The following TBX20 variants were observed in gnomAD, a reference collection of about 807,000 sequenced individuals.
TBX20 encodes the protein T-box transcription factor TBX20.
A neutral mutation model predicts 42.9 loss-of-function variants in TBX20; 8 were observed. The ratio of observed to expected loss-of-function variants is 0.19; its 90% CI spans 0.11 to 0.34. The LOEUF (loss-of-function observed/expected upper bound fraction) is 0.34, where lower values mean the gene tolerates loss of function less well. TBX20 is among the 10% of genes least tolerant of loss of function. The pLI is 1.00. For missense variants in TBX20, 411 were observed against 566.0 expected (o/e 0.73, Z 2.78); for synonymous variants, 198 against 222.8 (o/e 0.89, Z 0.99).
Position 35,248,670 on chromosome 7 carries a change from C to T in TBX20, c.545+7G>A. ...GTTTTCTCAGTGAAAAATCTGGAGG[C>T]ACGAACCTGGCTGGCAACGGCGGGT... On this transcript the variant is annotated splice_region_variant and intron_variant, in intron 3 of 7. Coordinates refer to ENST00000408931, the MANE Select transcript of TBX20 (RefSeq NM_001077653.2). 6.2e-7 allele frequency: 1 copy of T among 1,614,132 alleles called. No individual in the cohort carries two copies. Among genetic ancestry groups the T allele is most frequent in the Non-Finnish European group, 8.5e-7 (1 of 1,180,024 alleles).
In TBX20 at chr7:35,241,003, C is replaced by T. The variant is rs2128714670; in HGVS notation, c.689G>A (p.Arg230Lys). The T allele has an allele frequency of 6.2e-7, 1 of 1,613,788 alleles. No individual in the cohort carries two copies. The highest frequency in any genetic ancestry group is 8.5e-7 in the Non-Finnish European group (1 of 1,179,774). Residue 230 changes from arginine to lysine, a missense_variant, in exon 5 of 8, where the codon AGG becomes AAG. By Grantham distance (26) the Arg-to-Lys change is conservative. Around this residue, in one of 5 missense-constraint regions of TBX20, gnomAD observed 121 missense variants for 165.9 expected, o/e 0.73. Coordinates refer to ENST00000408931, the MANE Select transcript of TBX20 (RefSeq NM_001077653.2). ...ILNSMHKYQP[R>K]VHIIKKKDHT... ...GTCTTTCTTCTTAATGATGTGCACCCTTGGCTGGTACTTATGCATTGAGTT... is the reference window on the plus strand; with the variant it reads ...GTCTTTCTTCTTAATGATGTGCACCTTTGGCTGGTACTTATGCATTGAGTT...
chr7:35,212,694 A>C (rs1789518599), intron 6 of TBX20, among the ~76,000 whole-genome samples: 1 of 152,120 alleles, frequency 6.6e-6, no homozygotes, highest in South Asian at 2.1e-4. Flanking sequence ...TAGTCTACCA[A>C]ATGCCTTCTA....
intron 6 of TBX20, among the ~76,000 whole-genome samples, chr7:35,210,601 G>A (rs774664133): frequency 1.1e-4 from 16 of 152,058 alleles, no homozygotes; most frequent in Non-Finnish European, 1.9e-4. Context: ...ACATAAAGAT[G>A]TAGGACTGTA....
At chr7:35,223,088 G>A (rs1458776507) in intron 6 of TBX20, among the ~76,000 whole-genome samples, 1 of 147,238 alleles carries the variant, frequency 6.8e-6, no homozygotes, top group Admixed American at 6.9e-5. Context: ...GACTCCTCTG[G>A]ACTAGAAGGA....
At chr7:35,223,932 C>A (rs1400529790) in intron 6 of TBX20, among the ~76,000 whole-genome samples, 1 of 152,058 alleles carries the variant, frequency 6.6e-6, no homozygotes, top group Non-Finnish European at 1.5e-5. Context: ...GAGAATATTG[C>A]TGTAGTCCTA....
rs2907411 is a variant in TBX20, at chr7:35,213,862, G to A, written c.891-9280C>T. Among the ~76,000 whole-genome samples, 3 of 101,064 alleles carry A rather than the reference G, an allele frequency of 3.0e-5. 1 individual carries two copies. The highest frequency in any genetic ancestry group is 3.0e-4 in the East Asian group (1 of 3,344). 66.3% of individuals were successfully genotyped at this position (101,064 alleles called of 152,430 possible). On this transcript the variant is annotated intron_variant, in intron 6 of 7. Coordinates refer to ENST00000408931, the MANE Select transcript of TBX20 (RefSeq NM_001077653.2). ...GTATTGAGTCACTACTATGAACAAGGAATTGCAGAGATAGCAAAAAAAAAA... is the reference window on the plus strand; with the variant it reads ...GTATTGAGTCACTACTATGAACAAGAAATTGCAGAGATAGCAAAAAAAAAA...
rs1324827144 is a variant in TBX20, at chr7:35,253,533, T to C, written c.88A>G (p.Lys30Glu). 4 of 1,612,574 alleles carry C rather than the reference T, an allele frequency of 2.5e-6. No homozygotes were observed. Among genetic ancestry groups the C allele is most frequent in the Non-Finnish European group, 3.4e-6 (4 of 1,179,874 alleles). Residue 30 changes from lysine to glutamate, a missense_variant, in exon 1 of 8, where the codon AAG (lysine) becomes GAG (glutamate). Lys to Glu is a moderately conservative substitution (Grantham distance 56). This residue lies in a region of TBX20 where 114 missense variants were observed against 128.0 expected (regional missense o/e 0.89). Coordinates refer to ENST00000408931, the MANE Select transcript of TBX20 (RefSeq NM_001077653.2). ...GTGTTCTCCGTCGCCTCCTTCTCCT[T>C]AGAGCCGCCGCTCGACATGAGCGCG... ...IAALMSSGGSKEKEATENTIK... is the reference protein window; with the variant it reads ...IAALMSSGGSEEKEATENTIK...
At chr7:35,226,923 G>A (rs1465571285) in intron 6 of TBX20, among the ~76,000 whole-genome samples, 1 of 151,990 alleles carries the variant, frequency 6.6e-6, no homozygotes, top group African/African-American at 2.4e-5. Context: ...TATTCCAGAA[G>A]AAGGCATTAT....
chr7:35,222,590 G>A (rs1434433325), intron 6 of TBX20, among the ~76,000 whole-genome samples: 2 of 152,194 alleles, frequency 1.3e-5, no homozygotes, highest in African/African-American at 2.4e-5. Context: ...CTCACTGTGT[G>A]CCAGACACTA....
At chr7:35,246,669 A>C (rs1423986999) in intron 3 of TBX20, among the ~76,000 whole-genome samples, 1 of 152,182 alleles carries the variant, frequency 6.6e-6, no homozygotes, top group Non-Finnish European at 1.5e-5. Context: ...ATGACTGACC[A>C]ATGAACTTCA....
intron 6 of TBX20, among the ~76,000 whole-genome samples, chr7:35,206,171 T>C (rs1789395361): frequency 6.6e-6 from 1 of 152,252 alleles, no homozygotes; most frequent in Admixed American, 6.5e-5. Context: ...TTTGTGTGTA[T>C]GTTTGAATCA....
chr7:35,213,127 G>C (rs1348864826), intron 6 of TBX20, among the ~76,000 whole-genome samples: 14 of 152,126 alleles, frequency 9.2e-5, no homozygotes, highest in Admixed American at 9.2e-4. Context: ...CCATCCCTCA[G>C]AGATTATTGT....
Position 35,249,274 on chromosome 7 carries a change from A to G in TBX20, c.381-433T>C, listed in dbSNP as rs777525588. On this transcript the variant is annotated intron_variant, in intron 2 of 7. Coordinates refer to ENST00000408931, the MANE Select transcript of TBX20 (RefSeq NM_001077653.2). This position sits in a 1 kb window ranked among gnomAD's most constrained non-coding sequence, Gnocchi z 4.3. ...CTCTTGCAAAATAAAAGCCAAAAGC[A>G]GAGGTTTCTGGGAAGGATTTCTCAG... is the stretch of plus-strand genomic sequence containing the variant. Among the ~76,000 whole-genome samples the G allele has an allele frequency of 2.0e-5, 3 of 152,204 alleles. No homozygotes were observed. Among genetic ancestry groups the G allele is most frequent in the Non-Finnish European group, 4.4e-5 (3 of 68,044 alleles).
intron 6 of TBX20, among the ~76,000 whole-genome samples, chr7:35,223,687 A>G (rs1789721609): frequency 6.6e-6 from 1 of 152,176 alleles, no homozygotes; most frequent in African/African-American, 2.4e-5. Flanking sequence ...AGCAATGAGG[A>G]GGTCACTGGT....
At chr7:35,222,157 A>G (rs1330956753) in intron 6 of TBX20, among the ~76,000 whole-genome samples, 1 of 152,194 alleles carries the variant, frequency 6.6e-6, no homozygotes, top group Non-Finnish European at 1.5e-5. Context: ...GCTATCACAA[A>G]TCATGTGAAT....
At position 35,253,696 on chromosome 7, in the gene TBX20, C is replaced by G. The variant is rs1476390407; in HGVS notation, c.-76G>C. ...CCAGATTCCCCAAGGGAGACAAAGA[C>G]CCGAAACACAGCTCAAAGTTTCCGA... On this transcript the variant is annotated 5_prime_UTR_variant, in exon 1 of 8. Transcript: ENST00000408931. 6.4e-7 allele frequency: 1 copy of G among 1,563,166 alleles called. No individual in the cohort carries two copies. Among genetic ancestry groups the G allele is most frequent in the African/African-American group, 1.4e-5 (1 of 73,262 alleles).
chr7:35,246,364 C>A (rs1790185562), intron 3 of TBX20, among the ~76,000 whole-genome samples: 2 of 152,094 alleles, frequency 1.3e-5, no homozygotes, highest in African/African-American at 4.8e-5. Flanking sequence ...TACCATCCTT[C>A]CAAGACTGTA....
chr7:35,241,791 A>AG (rs1372265314), intron 4 of TBX20, among the ~76,000 whole-genome samples: 2 of 152,102 alleles, frequency 1.3e-5, no homozygotes, highest in African/African-American at 4.8e-5. Context: ...TCATAAACAC[A>AG]CCCTTGTTAA....
In TBX20 at chr7:35,248,777, G is replaced by A; in HGVS notation, c.445C>T (p.Leu149=). The change falls in exon 3 of 8, where the codon CTG becomes TTG. Residue 149 remains leucine, a synonymous_variant. Transcript: ENST00000408931. ...GVDPEAKYIV[L]MDIVPVDNKR... The stretch of plus-strand genomic sequence containing the variant: ...TTGTCCACAGGGACGATGTCCATCA[G>A]GACTATGTACTTGGCCTCAGGATCC... 6.2e-7 allele frequency: 1 copy of A among 1,614,132 alleles called. No individual in the cohort carries two copies. Among genetic ancestry groups the A allele is most frequent in the Non-Finnish European group, 8.5e-7 (1 of 1,180,028 alleles).
Sources: allele counts gnomAD v4.1 joint callset (sites outside exome capture counted in the v4.1 genomes callset), GRCh38; gene constraint gnomAD v4.1.1; regional missense constraint gnomAD v4.1.1; non-coding constraint Gnocchi (gnomAD v3.1); transcripts MANE v1.5; gene names NCBI Gene and HGNC (gene_info 2026-07-23, HGNC 2026-07-21).